The following FRS2 variants were observed in gnomAD, a reference collection of about 807,000 sequenced individuals.
The protein encoded by FRS2 is fibroblast growth factor receptor substrate 2.
In FRS2, 8 loss-of-function variants were observed where a neutral mutation model predicts 43.9. The ratio of observed to expected loss-of-function variants is 0.18; its 90% CI spans 0.11 to 0.33. The LOEUF (loss-of-function observed/expected upper bound fraction) is 0.33, where lower values mean the gene tolerates loss of function less well. Among genes scored for constraint, FRS2 ranks in the 10% least tolerant of loss-of-function variants. The pLI, the probability that FRS2 is intolerant of heterozygous loss-of-function variation, is 1.00. For missense variants in FRS2, 534 were observed against 627.6 expected (o/e 0.85, Z 1.59); for synonymous variants, 219 against 220.3 (o/e 0.99, Z 0.05).
rs532819994 is a variant in FRS2 at position 69,565,361 on chromosome 12, A to G, written c.-27+3087A>G. Among the ~76,000 whole-genome samples, 8 of 152,328 alleles carry G rather than the reference A, an allele frequency of 5.3e-5. No homozygotes were observed. In the East Asian group the frequency reaches 1.2e-3, roughly 22 times the overall value. On this transcript the variant is annotated intron_variant, in intron 4 of 8. Transcript: ENST00000549921. ...GTGAAGGCCTAGAATGTTATCGTACACTACTGTAGGCTTTATAAAACTGTA... is the reference window on the plus strand; with the variant it reads ...GTGAAGGCCTAGAATGTTATCGTACGCTACTGTAGGCTTTATAAAACTGTA...
intron 3 of FRS2, among the ~76,000 whole-genome samples, chr12:69,544,204 T>G (rs1878165712): frequency 6.6e-6 from 1 of 151,838 alleles, no homozygotes. Context: ...AAAACCAAAT[T>G]CAGCAGCATA....
intron 1 of FRS2, among the ~76,000 whole-genome samples, chr12:69,478,838 C>T (rs1871095909): frequency 6.6e-6 from 1 of 151,904 alleles, no homozygotes. Context: ...CCTTTGATGG[C>T]CGTTCATGTT....
At chr12:69,528,040 A>C (rs1163644179) in intron 1 of FRS2, among the ~76,000 whole-genome samples, 2 of 152,224 alleles carry the variant, frequency 1.3e-5, no homozygotes, top group Admixed American at 1.3e-4. Context: ...TCAGTTTTGC[A>C]GCAATTCTAG....
intron 1 of FRS2, among the ~76,000 whole-genome samples, chr12:69,488,709 T>C (rs575162857): frequency 6.6e-6 from 1 of 152,364 alleles, no homozygotes; most frequent in East Asian, 1.9e-4. Flanking sequence ...TACTAGCCTC[T>C]GAATCTTTTT....
rs1880041087 is a variant in FRS2 at position 69,563,585 on chromosome 12, A to G, written c.-27+1311A>G. 2.0e-5 allele frequency among the ~76,000 whole-genome samples: 3 copies of G among 152,020 alleles called. No individual in the cohort carries two copies. In the South Asian group the frequency reaches 6.2e-4, roughly 32 times the overall value. On this transcript the variant is annotated intron_variant, in intron 4 of 8. Transcript: ENST00000549921. Reference sequence around the variant, plus strand: ...TGACCGTGGGTCAGTTGAACTGTCTATCCTGTGGACTGCTGAGCACTGCTA... The same window carrying G: ...TGACCGTGGGTCAGTTGAACTGTCTGTCCTGTGGACTGCTGAGCACTGCTA...
chr12:69,559,848 T>C (rs1879737748), intron 3 of FRS2, among the ~76,000 whole-genome samples: 1 of 152,036 alleles, frequency 6.6e-6, no homozygotes, highest in Non-Finnish European at 1.5e-5. Context: ...ATCCTCTTGA[T>C]TGTTTTAATA....
intron 1 of FRS2, among the ~76,000 whole-genome samples, chr12:69,495,359 G>A (rs1293066467): frequency 1.3e-5 from 2 of 152,122 alleles, no homozygotes; most frequent in African/African-American, 2.4e-5. Flanking sequence ...TACTATACAT[G>A]GAATATACTC....
chr12:69,523,815 T>G (rs916703645), intron 1 of FRS2, among the ~76,000 whole-genome samples: 7 of 152,212 alleles, frequency 4.6e-5, no homozygotes, highest in African/African-American at 1.7e-4. Flanking sequence ...TGATCTTATT[T>G]CTCCTTCATT....
chr12:69,537,102 T>A (rs945880510), intron 3 of FRS2, among the ~76,000 whole-genome samples: 1 of 152,176 alleles, frequency 6.6e-6, no homozygotes, highest in Non-Finnish European at 1.5e-5. Context: ...TTAATCAGTA[T>A]CTTTAACCTA....
chr12:69,545,570 A>T (rs1878300811), intron 3 of FRS2, among the ~76,000 whole-genome samples: 1 of 152,076 alleles, frequency 6.6e-6, no homozygotes, highest in Non-Finnish European at 1.5e-5. Context: ...AGCCTGGCCA[A>T]CATGTTGAAA....
chr12:69,511,765 T>C lies in FRS2; in HGVS notation c.-260-19100T>C, dbSNP rs182866427. On this transcript the variant is annotated intron_variant, in intron 1 of 8. Transcript: ENST00000549921. ...AAAATTCTGTAAATCTTGTTTCTTT[T>C]CTTCCATCTATAAAATGGGCACAGT... Among the ~76,000 whole-genome samples, 85 of 152,330 alleles carry C rather than the reference T, an allele frequency of 5.6e-4. 1 individual carries two copies. The highest frequency in any genetic ancestry group is 3.4e-3 in the Middle Eastern group (1 of 294).
At chr12:69,508,444 A>G (rs1316311999) in intron 1 of FRS2, among the ~76,000 whole-genome samples, 1 of 152,230 alleles carries the variant, frequency 6.6e-6, no homozygotes, top group Admixed American at 6.5e-5. Context: ...CAAGAAAGGC[A>G]TCTATTATGA....
At chr12:69,487,791 C>T (rs1457912137) in intron 1 of FRS2, among the ~76,000 whole-genome samples, 1 of 152,316 alleles carries the variant, frequency 6.6e-6, no homozygotes, top group East Asian at 1.9e-4. Context: ...TCATTAAGAA[C>T]ACTTGTGATT....
chr12:69,489,802 G>A (rs1012027532), intron 1 of FRS2, among the ~76,000 whole-genome samples: 12 of 147,380 alleles, frequency 8.1e-5, no homozygotes, highest in African/African-American at 3.0e-4. Flanking sequence ...TGTACCTTTT[G>A]TGAAGTTTTT....
intron 6 of FRS2, among the ~76,000 whole-genome samples, chr12:69,570,810 G>T (rs1880690214): frequency 6.6e-6 from 1 of 152,090 alleles, no homozygotes; most frequent in Non-Finnish European, 1.5e-5. Flanking sequence ...TACTTGAATG[G>T]CCTTGACAAG....
At position 69,574,364 on chromosome 12, in the gene FRS2, A is replaced by G. The variant is rs762169906; in HGVS notation, c.936A>G (p.Leu312=). The part of the protein sequence containing the change: ...NKLVYENING[L]SIPSASGVRR... ...TGGTGTATGAAAATATAAATGGGCT[A>G]TCTATCCCTAGTGCCTCAGGGGTCA... Residue 312 remains leucine, a synonymous_variant, in exon 9 of 9, where the codon CTA becomes CTG. Transcript: ENST00000549921. 5 of 1,613,744 alleles carry G rather than the reference A, an allele frequency of 3.1e-6. No individual in the cohort carries two copies. The highest frequency in any genetic ancestry group is 1.7e-6 in the Non-Finnish European group (2 of 1,179,624).
At position 69,569,055 on chromosome 12, in the gene FRS2, G is replaced by A. The variant is rs1374558456; in HGVS notation, c.25G>A (p.Asp9Asn). Residue 9 changes from aspartate to asparagine, a missense_variant, in exon 5 of 9, where the codon GAT becomes AAT. Asp to Asn is a conservative substitution (Grantham distance 23). Coordinates refer to ENST00000549921, the MANE Select transcript of FRS2 (RefSeq NM_001278356.2). ...CATGGGTAGCTGTTGTAGCTGTCCA[G>A]ATAAAGACACTGTCCCAGATAACCA... MGSCCSCPDKDTVPDNHRN... is the reference protein window; with the variant it reads MGSCCSCPNKDTVPDNHRN... 1 of 1,612,482 alleles carries A rather than the reference G, an allele frequency of 6.2e-7. No homozygotes were observed. Among genetic ancestry groups the A allele is most frequent in the Non-Finnish European group, 8.5e-7 (1 of 1,178,868 alleles).
At chr12:69,496,907 C>T (rs973658624) in intron 1 of FRS2, among the ~76,000 whole-genome samples, 3 of 152,194 alleles carry the variant, frequency 2.0e-5, no homozygotes, top group Non-Finnish European at 4.4e-5. Flanking sequence ...CTAAGTTACA[C>T]ACACTCTGTC....
At chr12:69,545,778 ACAAAAAC>A (rs1878344113) in intron 3 of FRS2, among the ~76,000 whole-genome samples, 3 of 132,120 alleles carry the variant, frequency 2.3e-5, no homozygotes, top group African/African-American at 5.6e-5. Context: ...AAAAAAAAAA[ACAAAAAC>A]AAAAACCCAG....
Sources: allele counts gnomAD v4.1 joint callset (sites outside exome capture counted in the v4.1 genomes callset), GRCh38; gene constraint gnomAD v4.1.1; transcripts MANE v1.5; gene names NCBI Gene and HGNC (gene_info 2026-07-23, HGNC 2026-07-21).